The following PRKAR2A variants were observed in gnomAD, a reference collection of about 807,000 sequenced individuals.
PRKAR2A encodes the protein protein kinase cAMP-dependent type II regulatory subunit alpha, also known as cAMP-dependent protein kinase type II-alpha regulatory subunit.
A neutral mutation model predicts 51.9 loss-of-function variants in PRKAR2A; 29 were observed. The observed-to-expected ratio is 0.56, with a 90% CI of 0.42 to 0.76. PRKAR2A has a LOEUF of 0.76. Among genes scored for constraint, PRKAR2A ranks in the 30% least tolerant of loss-of-function variants. The probability of loss-of-function intolerance (pLI) is 0.00; values close to 1 mark genes in which losing one functional copy is unlikely to be tolerated. For missense variants in PRKAR2A, 445 were observed against 512.1 expected, an observed-to-expected ratio of 0.87 and a Z score of 1.26; for synonymous variants, 178 against 186.2, an observed-to-expected ratio of 0.96 and a Z score of 0.36.
chr3:48,839,139 T>G (rs2083336089), intron 1 of PRKAR2A, among the ~76,000 whole-genome samples: 1 of 151,814 alleles, frequency 6.6e-6, no homozygotes, highest in African/African-American at 2.4e-5. Flanking sequence ...AACACAAACA[T>G]TAGCCGGGCG....
At chr3:48,831,341 T>C (rs1389187715) in intron 1 of PRKAR2A, among the ~76,000 whole-genome samples, 1 of 150,750 alleles carries the variant, frequency 6.6e-6, no homozygotes, top group African/African-American at 2.4e-5. Flanking sequence ...AATAACTCTC[T>C]AGCCACTGGT....
intron 9 of PRKAR2A, among the ~76,000 whole-genome samples, chr3:48,755,255 T>C (rs1356418818): frequency 1.3e-5 from 2 of 151,854 alleles, no homozygotes; most frequent in Non-Finnish European, 2.9e-5. Flanking sequence ...CTCAGCCTCC[T>C]AAAGTGCTGG....
intron 1 of PRKAR2A, 68 bp from the exon 2 acceptor site, chr3:48,807,752 T>C: frequency 5.0e-6 from 7 of 1,390,142 alleles, no homozygotes; most frequent in Non-Finnish European, 7.1e-6. Flanking sequence ...CCTCCCTTTT[T>C]GCAAAAGTCT....
chr3:48,769,342 A>T (rs183938645), intron 6 of PRKAR2A, among the ~76,000 whole-genome samples: 4,761 of 151,524 alleles, frequency 0.031, 102 homozygotes, highest in Non-Finnish European at 0.047. Flanking sequence ...TATTTTTAGT[A>T]GAGACGGGGT....
chr3:48,816,037 A>AG (rs1260815686), intron 1 of PRKAR2A, among the ~76,000 whole-genome samples: 1 of 151,596 alleles, frequency 6.6e-6, no homozygotes, highest in East Asian at 1.9e-4. Context: ...AAAAAAAAAA[A>AG]AAGAAGCTAG....
At position 48,794,097 on chromosome 3, in the gene PRKAR2A, T is replaced by C. The variant is rs767645132; in HGVS notation, c.299-48A>G. On this transcript the variant is annotated intron_variant, in intron 2 of 10. Transcript: ENST00000265563. ...AAAAAGAATGAATTTAACAGATGTG[T>C]GGCTTTAGGAAAAATAGGAAGTGAA... The C allele has an allele frequency of 6.4e-6, 9 of 1,415,338 alleles. No individual in the cohort carries two copies. In the South Asian group the frequency reaches 7.4e-5, roughly 12 times the overall value. The allele number at this position is 1,415,338 out of a possible 1,614,324, so 87.7% of individuals were successfully genotyped here. A position where few individuals can be genotyped will look rare whatever the true frequency, so the allele number is the denominator to read the frequency against.
intron 6 of PRKAR2A, among the ~76,000 whole-genome samples, chr3:48,769,767 C>T (rs533350339): frequency 1.8e-4 from 28 of 151,870 alleles, no homozygotes; most frequent in Non-Finnish European, 2.7e-4. Flanking sequence ...CGAGCCACTA[C>T]GCCCGGCAAG....
intron 2 of PRKAR2A, among the ~76,000 whole-genome samples, chr3:48,803,569 C>T (rs910181635): frequency 6.6e-6 from 1 of 152,126 alleles, no homozygotes. Context: ...GGATTACAGG[C>T]ACCTGCCACC....
chr3:48,760,241 C>T (rs2081843316), intron 8 of PRKAR2A, among the ~76,000 whole-genome samples: 2 of 152,090 alleles, frequency 1.3e-5, no homozygotes, highest in African/African-American at 4.8e-5. Context: ...CCTGTAGTTC[C>T]AGCTACTCGG....
At chr3:48,831,216 C>T (rs1346992191) in intron 1 of PRKAR2A, among the ~76,000 whole-genome samples, 1 of 152,060 alleles carries the variant, frequency 6.6e-6, no homozygotes, top group Admixed American at 6.6e-5. Flanking sequence ...TGTCACTAAG[C>T]GATAGGAATT....
Position 48,751,174 on chromosome 3 carries a change from G to A in PRKAR2A, c.*411C>T. ...ACATTTCCTCCTTTGAGAACCATTA[G>A]AGAGTGTCTACAGTTATACAACAGG... On this transcript the variant is annotated 3_prime_UTR_variant, in exon 11 of 11. Transcript: ENST00000265563. 5.2e-6 allele frequency: 2 copies of A among 386,290 alleles called. No homozygotes were observed. The highest frequency in any genetic ancestry group is 1.0e-5 in the Non-Finnish European group (2 of 195,760). 23.9% of individuals were successfully genotyped at this position (386,290 alleles called of 1,614,324 possible).
chr3:48,820,233 G>T (rs1225328970), intron 1 of PRKAR2A, among the ~76,000 whole-genome samples: 1 of 152,138 alleles, frequency 6.6e-6, no homozygotes, highest in Admixed American at 6.5e-5. Flanking sequence ...GGGAATAAGA[G>T]GGTCATACAT....
chr3:48,765,121 G>C (rs1304121442), intron 7 of PRKAR2A, 43 bp from the exon 8 acceptor site: 1 of 1,587,574 alleles, frequency 6.3e-7, no homozygotes, highest in African/African-American at 1.3e-5. Context: ...GACCTTAATT[G>C]AAAGTCACAA....
chr3:48,816,563 G>C (rs1472571576), intron 1 of PRKAR2A, among the ~76,000 whole-genome samples: 1 of 151,790 alleles, frequency 6.6e-6, no homozygotes, highest in East Asian at 1.9e-4. Context: ...GCTTGAACCT[G>C]GGAGGTGGGG....
chr3:48,827,388 T>C (rs1321582972), intron 1 of PRKAR2A, among the ~76,000 whole-genome samples: 1 of 151,948 alleles, frequency 6.6e-6, no homozygotes, highest in African/African-American at 2.4e-5. Context: ...GTATGTCTGC[T>C]GATAGCATGA....
intron 5 of PRKAR2A, among the ~76,000 whole-genome samples, chr3:48,781,414 T>A (rs1027494603): frequency 6.6e-6 from 1 of 151,562 alleles, no homozygotes; most frequent in Non-Finnish European, 1.5e-5. Context: ...CTATCTTGGC[T>A]CACTGTAACC....
intron 1 of PRKAR2A, among the ~76,000 whole-genome samples, chr3:48,846,648 G>A (rs1162633936): frequency 6.6e-6 from 1 of 152,162 alleles, no homozygotes; most frequent in East Asian, 1.9e-4. Context: ...CCACTGCCCC[G>A]GCCGGCAAGA....
At chr3:48,817,665 AAAAT>A (rs2082895581) in intron 1 of PRKAR2A, among the ~76,000 whole-genome samples, 1 of 149,722 alleles carries the variant, frequency 6.7e-6, no homozygotes, top group African/African-American at 2.4e-5. Context: ...ATAAATAAAT[AAAAT>A]AAATAAATAA....
Position 48,751,004 on chromosome 3 carries a change from T to TGTGTGCA in PRKAR2A, c.*574_*580dup, listed in dbSNP as rs2081638959. ...ACTGTGGGTTTGGAGACAGCTGTAA[T>TGTGTGCA]GTGTGCAGCTGTCAGCAGAAAGTAC... is the stretch of plus-strand genomic sequence containing the variant. On this transcript the variant is annotated 3_prime_UTR_variant, in exon 11 of 11. Coordinates refer to ENST00000265563, the MANE Select transcript of PRKAR2A (RefSeq NM_004157.4). 1 of 282,524 alleles carries TGTGTGCA rather than the reference T, an allele frequency of 3.5e-6. No individual in the cohort carries two copies. Among genetic ancestry groups the TGTGTGCA allele is most frequent in the African/African-American group, 2.2e-5 (1 of 45,310 alleles). The allele number at this position is 282,524 out of a possible 1,614,324, so 17.5% of individuals were successfully genotyped here. A position where few individuals can be genotyped will look rare whatever the true frequency, so the allele number is the denominator to read the frequency against.
Sources: gnomAD v4.1 joint callset for allele counts (sites outside exome capture counted in the v4.1 genomes callset) on GRCh38, gnomAD v4.1.1 for gene constraint, MANE v1.5 for transcripts, NCBI Gene and HGNC (gene_info 2026-07-23, HGNC 2026-07-21) for gene names.